The following SLC7A8 variants were observed in gnomAD, a reference collection of about 807,000 sequenced individuals.
SLC7A8 encodes the protein large neutral amino acids transporter small subunit 2.
In SLC7A8, 30 loss-of-function variants were observed where a neutral mutation model predicts 51.2. The observed-to-expected ratio is 0.59, with a 90% CI of 0.44 to 0.80. The LOEUF is 0.80. Ranked by LOEUF, SLC7A8 falls within the 30% of genes least tolerant of loss-of-function variation. The pLI, the probability that SLC7A8 is intolerant of heterozygous loss-of-function variation, is 0.00. For missense variants in SLC7A8, 612 were observed against 674.4 expected, an observed-to-expected ratio of 0.91 and a Z score of 1.03; for synonymous variants, 257 against 275.8, an observed-to-expected ratio of 0.93 and a Z score of 0.67.
chr14:23,128,466 G>A lies in SLC7A8; in HGVS notation c.1264-270C>T, dbSNP rs1362663896. On this transcript the variant is annotated intron_variant, in intron 9 of 10. Transcript: ENST00000316902. The surrounding 1 kb of genome is among the most constrained non-coding windows in gnomAD (Gnocchi z 4.3). ...TCCTTGCCCATGTCCTCGCTCTTGG[G>A]TGTGGTTAGACAAGGCCTCATCATG... 3 of 1,154,270 alleles carry A rather than the reference G, an allele frequency of 2.6e-6. No individual in the cohort carries two copies. The highest frequency in any genetic ancestry group is 1.2e-6 in the Non-Finnish European group (1 of 830,616). The allele number at this position is 1,154,270 out of a possible 1,614,324, so 71.5% of individuals were successfully genotyped here. A position where few individuals can be genotyped will look rare whatever the true frequency, so the allele number is the denominator to read the frequency against.
chr14:23,131,999 A>ATTTTTTTTT (rs1201371313), intron 7 of SLC7A8, among the ~76,000 whole-genome samples: 2 of 98,196 alleles, frequency 2.0e-5, no homozygotes, highest in African/African-American at 3.9e-5. Context: ...AAAACACTCT[A>ATTTTTTTTT]TTTTTTTTTT....
At position 23,158,904 on chromosome 14, in the gene SLC7A8, T is replaced by C. The variant is rs143117286; in HGVS notation, c.508+6381A>G. 2.0e-3 allele frequency among the ~76,000 whole-genome samples: 301 copies of C among 152,326 alleles called. 2 individuals are homozygous for C. Among genetic ancestry groups the C allele is most frequent in the Admixed American group, 6.2e-3 (95 of 15,300 alleles). On this transcript the variant is annotated intron_variant, in intron 3 of 10. Transcript: ENST00000316902. Reference sequence around the variant, plus strand: ...TCTCTCTGCTTCAAGTTTCAGTCTTTTCTTTCCCAAATGTGAACCTAATCA... The same window carrying C: ...TCTCTCTGCTTCAAGTTTCAGTCTTCTCTTTCCCAAATGTGAACCTAATCA...
chr14:23,150,647 T>C (rs1381276942), intron 3 of SLC7A8, among the ~76,000 whole-genome samples: 1 of 152,198 alleles, frequency 6.6e-6, no homozygotes, highest in Non-Finnish European at 1.5e-5. Flanking sequence ...AAATGTTAAA[T>C]GATTATTTTT....
intron 3 of SLC7A8, among the ~76,000 whole-genome samples, chr14:23,144,390 A>C (rs1476673714): frequency 9.0e-6 from 1 of 111,598 alleles, no homozygotes; most frequent in Non-Finnish European, 1.8e-5. Context: ...GTTGTATTTC[A>C]TTATGGTTTT....
chr14:23,151,089 C>A (rs534506812), intron 3 of SLC7A8, among the ~76,000 whole-genome samples: 1 of 152,322 alleles, frequency 6.6e-6, no homozygotes. Flanking sequence ...GGGAGGAACA[C>A]CCTGCAGAAA....
In SLC7A8 at chr14:23,183,133, T is replaced by C. The variant is rs1416292252; in HGVS notation, c.-219A>G. 1 of 123,614 alleles carries C rather than the reference T, an allele frequency of 8.1e-6. No individual in the cohort carries two copies. The highest frequency in any genetic ancestry group is 3.6e-5 in the African/African-American group (1 of 27,744). 7.7% of individuals were successfully genotyped at this position (123,614 alleles called of 1,614,324 possible). On this transcript the variant is annotated 5_prime_UTR_variant, in exon 1 of 11. Transcript: ENST00000316902. ...CTCGCGTTTACAAACAAGAAAAGTG[T>C]TGCTAAAAAAAAAAAAAAAAAAAAA... is the stretch of plus-strand genomic sequence containing the variant.
At chr14:23,144,758 T>G (rs2048776471) in intron 3 of SLC7A8, among the ~76,000 whole-genome samples, 1 of 152,160 alleles carries the variant, frequency 6.6e-6, no homozygotes, top group Non-Finnish European at 1.5e-5. Flanking sequence ...AAATGTCACC[T>G]GTTCTGTGAA....
intron 1 of SLC7A8, among the ~76,000 whole-genome samples, chr14:23,179,738 G>A (rs1191353332): frequency 3.3e-5 from 5 of 152,078 alleles, no homozygotes; most frequent in Non-Finnish European, 7.4e-5. Flanking sequence ...GAGCCCAGGA[G>A]TTTGAGGCTG....
intron 4 of SLC7A8, among the ~76,000 whole-genome samples, chr14:23,142,175 C>T (rs1211618732): frequency 6.6e-6 from 1 of 152,186 alleles, no homozygotes. Context: ...CCCACACTGC[C>T]TTCAGGGCTT....
chr14:23,137,593 T>C (rs1440961506), intron 7 of SLC7A8, among the ~76,000 whole-genome samples: 1 of 152,214 alleles, frequency 6.6e-6, no homozygotes, highest in Non-Finnish European at 1.5e-5. Context: ...ACTGCCTTGC[T>C]GCCAACCACA....
At chr14:23,132,282 G>A (rs914000360) in intron 7 of SLC7A8, among the ~76,000 whole-genome samples, 35 of 151,898 alleles carry the variant, frequency 2.3e-4, no homozygotes, top group Non-Finnish European at 1.2e-4. Flanking sequence ...GACTACAGGC[G>A]TGAGCCACCG....
intron 3 of SLC7A8, among the ~76,000 whole-genome samples, chr14:23,147,193 C>T (rs1211161368): frequency 6.6e-6 from 1 of 151,882 alleles, no homozygotes; most frequent in African/African-American, 2.4e-5. Context: ...CATCCATCCA[C>T]CCACCCATCC....
At chr14:23,129,871 TC>T in intron 8 of SLC7A8, 72 bp from the exon 9 acceptor site, 2 of 1,537,836 alleles carry the variant, frequency 1.3e-6, no homozygotes, top group Non-Finnish European at 8.8e-7. Context: ...TTAGGGGCTG[TC>T]CCCCAGCCTC....
chr14:23,150,084 A>G (rs1329954748), intron 3 of SLC7A8, among the ~76,000 whole-genome samples: 3 of 152,256 alleles, frequency 2.0e-5, no homozygotes, highest in Non-Finnish European at 2.9e-5. Context: ...TATAGATTAT[A>G]GGTAAAAGAG....
chr14:23,148,392 C>A (rs1299885001), intron 3 of SLC7A8, among the ~76,000 whole-genome samples: 1 of 152,150 alleles, frequency 6.6e-6, no homozygotes, highest in Non-Finnish European at 1.5e-5. Flanking sequence ...CCACGCCTGG[C>A]TAATTTTTGT....
At chr14:23,154,170 C>T (rs1452940346) in intron 3 of SLC7A8, 8 of 881,496 alleles carry the variant, frequency 9.1e-6, no homozygotes, top group Non-Finnish European at 1.1e-5. Flanking sequence ...AAACAGGCAC[C>T]TTTCTGGATG....
rs1877267036 is a variant in SLC7A8, at chr14:23,183,232, G to A, written c.-318C>T. On this transcript the variant is annotated 5_prime_UTR_variant, in exon 1 of 11. Transcript: ENST00000316902. ...ACTCCGGCTGGAATTCTGCTGAAAGGGATGTGTCTTCAGAAACCAGGATGG... is the reference window on the plus strand; with the variant it reads ...ACTCCGGCTGGAATTCTGCTGAAAGAGATGTGTCTTCAGAAACCAGGATGG... The A allele has an allele frequency of 3.4e-6, 1 of 293,516 alleles. No individual in the cohort carries two copies. Among genetic ancestry groups the A allele is most frequent in the Non-Finnish European group, 6.4e-6 (1 of 156,472 alleles). 18.2% of individuals were successfully genotyped at this position (293,516 alleles called of 1,614,324 possible).
At chr14:23,169,272 T>G (rs1359850744) in intron 1 of SLC7A8, among the ~76,000 whole-genome samples, 4 of 152,146 alleles carry the variant, frequency 2.6e-5, no homozygotes. Flanking sequence ...GTGGGAGGAC[T>G]GCTTGAGCCT....
chr14:23,128,269 C>T lies in SLC7A8; in HGVS notation c.1264-73G>A. On this transcript the variant is annotated intron_variant, in intron 9 of 10. Coordinates refer to ENST00000316902, the MANE Select transcript of SLC7A8 (RefSeq NM_012244.4). The surrounding 1 kb of genome is among the most constrained non-coding windows in gnomAD (Gnocchi z 4.3). The stretch of plus-strand genomic sequence containing the variant: ...CCCCAGGACTAGGGACTGGGGCATT[C>T]TCTCTCTTCTTCACCCACAGAGACA... 4 of 1,585,914 alleles carry T rather than the reference C, an allele frequency of 2.5e-6. No homozygotes were observed. Among genetic ancestry groups the T allele is most frequent in the Non-Finnish European group, 3.4e-6 (4 of 1,166,478 alleles).
Sources: allele counts gnomAD v4.1 joint callset (sites outside exome capture counted in the v4.1 genomes callset), GRCh38; gene constraint gnomAD v4.1.1; non-coding constraint Gnocchi (gnomAD v3.1); transcripts MANE v1.5; gene names NCBI Gene and HGNC (gene_info 2026-07-23, HGNC 2026-07-21).